Variants in MAF observed in about 807,000 individuals in gnomAD.
MAF encodes MAF bZIP transcription factor, also known as transcription factor Maf.
A neutral mutation model predicts 22.0 loss-of-function variants in MAF; 10 were observed. The observed-to-expected ratio is 0.45, with a 90% confidence interval of 0.28 to 0.77. The LOEUF (loss-of-function observed/expected upper bound fraction) is 0.77. Among genes scored for constraint, MAF ranks in the 30% least tolerant of loss-of-function variants. The pLI, the probability that MAF is intolerant of heterozygous loss-of-function variation, is 0.12. For synonymous variants in MAF, 337 were observed against 255.8 expected (o/e 1.32, Z -3.03); for missense variants, 544 against 548.4 (o/e 0.99, Z 0.08).
the MAF span, among the ~76,000 whole-genome samples, chr16:79,282,648 C>A: frequency 6.6e-6 from 1 of 152,158 alleles, no homozygotes; most frequent in Non-Finnish European, 1.5e-5. Context: ...TAGGAAGGTG[C>A]AAATTCTCAA....
At chr16:79,405,836 G>A in the MAF span, among the ~76,000 whole-genome samples, 9 of 152,148 alleles carry the variant, frequency 5.9e-5, no homozygotes, top group Non-Finnish European at 1.2e-4. Flanking sequence ...AAGAACTTTG[G>A]ACTTCAGGTA....
intron 1 of MAF, chr16:79,595,516 G>T: frequency 9.4e-7 from 1 of 1,059,944 alleles, no homozygotes; most frequent in Non-Finnish European, 1.1e-6. Context: ...TGGTGTGCTA[G>T]GGGAAGATGA....
At chr16:79,558,774 A>C in the MAF span, among the ~76,000 whole-genome samples, 6 of 152,194 alleles carry the variant, frequency 3.9e-5, no homozygotes, top group Admixed American at 2.6e-4. Flanking sequence ...TTGGGAAGAC[A>C]AAACAAAACA....
chr16:79,388,661 T>A, the MAF span, among the ~76,000 whole-genome samples: 2 of 152,224 alleles, frequency 1.3e-5, no homozygotes, highest in Non-Finnish European at 2.9e-5. Flanking sequence ...AAATATGTCA[T>A]TTCAAAAATG....
chr16:79,212,333 CCAGTGAGGATGA>C, the MAF span: 1 of 725,738 alleles, frequency 1.4e-6, no homozygotes, highest in East Asian at 2.8e-5. Context: ...CTTGTCCCAG[CCAGTGAGGATGA>C]CAGTGACACC....
At chr16:79,283,562 T>C in the MAF span, among the ~76,000 whole-genome samples, 17 of 152,268 alleles carry the variant, frequency 1.1e-4, no homozygotes, top group East Asian at 3.3e-3. Context: ...GACAAACTTT[T>C]AAAAAACGAT....
At chr16:79,321,396 A>G in the MAF span, among the ~76,000 whole-genome samples, 1 of 152,200 alleles carries the variant, frequency 6.6e-6, no homozygotes, top group African/African-American at 2.4e-5. Context: ...GTATGTCCCA[A>G]ATATCACATC....
the MAF span, among the ~76,000 whole-genome samples, chr16:79,517,188 C>G: frequency 6.6e-6 from 1 of 152,162 alleles, no homozygotes; most frequent in Non-Finnish European, 1.5e-5. Flanking sequence ...TTCCTTGGCT[C>G]TGAGCCTACC....
At chr16:79,303,448 C>T in the MAF span, among the ~76,000 whole-genome samples, 1 of 152,104 alleles carries the variant, frequency 6.6e-6, no homozygotes, top group Admixed American at 6.5e-5. Flanking sequence ...TCAACACTAC[C>T]CAGGCAGCAA....
intron 1 of MAF, chr16:79,596,060 T>G: frequency 9.4e-7 from 1 of 1,062,002 alleles, no homozygotes; most frequent in Non-Finnish European, 1.1e-6. Flanking sequence ...GCAAGCGCTG[T>G]TTCTCTTTAC....
chr16:79,213,530 G>C, the MAF span, among the ~76,000 whole-genome samples: 1 of 152,232 alleles, frequency 6.6e-6, no homozygotes, highest in Non-Finnish European at 1.5e-5. Flanking sequence ...CTTTGGCCAT[G>C]TGACTGGCCT....
the MAF span, among the ~76,000 whole-genome samples, chr16:79,238,189 T>C: frequency 6.6e-6 from 1 of 152,100 alleles, no homozygotes; most frequent in Admixed American, 6.6e-5. Flanking sequence ...TCTAGTATCC[T>C]GGGACAGAGC....
chr16:79,544,301 T>C, the MAF span, among the ~76,000 whole-genome samples: 1 of 152,194 alleles, frequency 6.6e-6, no homozygotes, highest in Admixed American at 6.5e-5. Context: ...TAGACTCATT[T>C]CAAGTGCTCG....
the MAF span, among the ~76,000 whole-genome samples, chr16:79,450,957 G>A: frequency 2.0e-5 from 3 of 151,532 alleles, no homozygotes; most frequent in East Asian, 1.9e-4. Flanking sequence ...CTTTTTTCAC[G>A]GTAATGTTCA....
At chr16:79,204,814 A>G in the MAF span, 1 of 152,196 alleles carries the variant, frequency 6.6e-6, no homozygotes, top group Non-Finnish European at 1.5e-5. Flanking sequence ...TTAGGAAAGA[A>G]TTCTTTCCAG....
chr16:79,481,789 C>A, the MAF span, among the ~76,000 whole-genome samples: 1 of 152,316 alleles, frequency 6.6e-6, no homozygotes, highest in East Asian at 1.9e-4. Context: ...CATCCCAGAC[C>A]CAGTACTAGC....
At chr16:79,309,687 A>G in the MAF span, among the ~76,000 whole-genome samples, 1 of 152,318 alleles carries the variant, frequency 6.6e-6, no homozygotes, top group African/African-American at 2.4e-5. Flanking sequence ...CGAGTTGTTT[A>G]GAAGTGTGCT....
At chr16:79,414,452 G>A in the MAF span, among the ~76,000 whole-genome samples, 4 of 152,174 alleles carry the variant, frequency 2.6e-5, no homozygotes, top group African/African-American at 9.7e-5. Flanking sequence ...CTAATAGAGT[G>A]AGAACTCATT....
At chr16:79,533,918 C>T in the MAF span, among the ~76,000 whole-genome samples, 5 of 152,156 alleles carry the variant, frequency 3.3e-5, no homozygotes, top group African/African-American at 1.2e-4. Flanking sequence ...TGGCAAGATC[C>T]AGGGTGCCCA....
Sources: gnomAD v4.1 joint callset for allele counts (sites outside exome capture counted in the v4.1 genomes callset) on GRCh38, gnomAD v4.1.1 for gene constraint, MANE v1.5 for transcripts, NCBI Gene and HGNC (gene_info 2026-07-23, HGNC 2026-07-21) for gene names.